LARGE1: variants seen among roughly 807,000 people sequenced by gnomAD.
LARGE1 encodes the protein LARGE xylosyl- and glucuronyltransferase 1.
Under a neutral mutation model 87.6 loss-of-function variants are expected in LARGE1, and 43 were observed. That is an observed-to-expected ratio of 0.49 (90% CI 0.38 to 0.63). The LOEUF is 0.63. Ranked by LOEUF, LARGE1 falls within the 30% of genes least tolerant of loss-of-function variation. The pLI, the probability that LARGE1 is intolerant of heterozygous loss-of-function variation, is 0.00. For synonymous variants in LARGE1, 434 were observed against 394.6 expected (o/e 1.10, Z -1.18); for missense variants, 802 against 1,000.2 (o/e 0.80, Z 2.67).
chr22:33,686,690 G>C (rs985408428), intron 2 of LARGE1, among the ~76,000 whole-genome samples: 2 of 152,154 alleles, frequency 1.3e-5, no homozygotes, highest in African/African-American at 4.8e-5. Context: ...TTGGTCTTGG[G>C]GACTATGGCG....
intron 6 of LARGE1, among the ~76,000 whole-genome samples, chr22:33,445,970 A>G (rs2067672829): frequency 6.6e-6 from 1 of 152,126 alleles, no homozygotes; most frequent in African/African-American, 2.4e-5. Flanking sequence ...CACTCTTACT[A>G]GGCCCCTAGA....
intron 2 of LARGE1, among the ~76,000 whole-genome samples, chr22:33,706,495 C>T (rs970627553): frequency 1.3e-5 from 2 of 152,178 alleles, no homozygotes; most frequent in African/African-American, 4.8e-5. Context: ...AGTCCCAACT[C>T]GGCCCATAAC....
Position 33,604,431 on chromosome 22 carries a change from A to G in LARGE1, c.615+4T>C. The G allele has an allele frequency of 1.2e-6, 2 of 1,614,006 alleles. No individual in the cohort carries two copies. Among genetic ancestry groups the G allele is most frequent in the Admixed American group, 1.7e-5 (1 of 60,010 alleles). On this transcript the variant is annotated splice_donor_region_variant and intron_variant, in intron 5 of 14. Coordinates refer to ENST00000397394, the MANE Select transcript of LARGE1 (RefSeq NM_133642.5). Reference sequence around the variant, plus strand: ...CACGGAAGTGCCTCCCCTCCTGCCCATACCTTGAGCTCGTCTGCATTGTAG... The same window carrying G: ...CACGGAAGTGCCTCCCCTCCTGCCCGTACCTTGAGCTCGTCTGCATTGTAG...
intron 6 of LARGE1, among the ~76,000 whole-genome samples, chr22:33,472,319 A>G (rs1033039820): frequency 6.6e-6 from 1 of 152,210 alleles, no homozygotes; most frequent in Non-Finnish European, 1.5e-5. Context: ...TGAAGGAGAC[A>G]AAGAGAGAGA....
At chr22:33,921,489 A>G (rs1372689134), upstream of LARGE1, among the ~76,000 whole-genome samples, 1 of 151,340 alleles carries the variant, frequency 6.6e-6, no homozygotes, top group Admixed American at 6.6e-5. The surrounding 1 kb of genome is among the most constrained non-coding windows in gnomAD (Gnocchi z 4.1). Context: ...AGAAGTAGGA[A>G]GTTTCCCCGC....
At chr22:33,276,146 C>A (rs1358873799) in intron 14 of LARGE1, among the ~76,000 whole-genome samples, 1 of 151,058 alleles carries the variant, frequency 6.6e-6, no homozygotes. Context: ...ATTGGAGGTG[C>A]TCTTGTTGAA....
At chr22:33,686,902 T>C (rs1390487931) in intron 2 of LARGE1, among the ~76,000 whole-genome samples, 1 of 152,242 alleles carries the variant, frequency 6.6e-6, no homozygotes, top group East Asian at 1.9e-4. Flanking sequence ...TTCTATTTTA[T>C]CTGGCAACCC....
At chr22:33,465,127 G>C (rs1396428318) in intron 6 of LARGE1, among the ~76,000 whole-genome samples, 1 of 152,222 alleles carries the variant, frequency 6.6e-6, no homozygotes, top group Non-Finnish European at 1.5e-5. Context: ...TCAGTGAAAT[G>C]AATGAACTCA....
intron 1 of LARGE1, among the ~76,000 whole-genome samples, chr22:33,822,865 T>C (rs2062680282): frequency 6.6e-6 from 1 of 152,166 alleles, no homozygotes; most frequent in Admixed American, 6.5e-5. Flanking sequence ...TGTAACTTGC[T>C]TTGGCCAATG....
At chr22:33,103,140 G>A in the LARGE1 span, among the ~76,000 whole-genome samples, 1 of 151,898 alleles carries the variant, frequency 6.6e-6, no homozygotes, top group African/African-American at 2.4e-5. Flanking sequence ...ACTTTAAAAA[G>A]GGAGATCATT....
chr22:33,743,759 T>C (rs1236552622), intron 2 of LARGE1, among the ~76,000 whole-genome samples: 1 of 152,246 alleles, frequency 6.6e-6, no homozygotes, highest in Non-Finnish European at 1.5e-5. Flanking sequence ...AAGGGAGTCC[T>C]CGACTTGTCA....
chr22:33,352,582 C>A (rs1055653683), intron 9 of LARGE1, among the ~76,000 whole-genome samples: 1 of 151,460 alleles, frequency 6.6e-6, no homozygotes, highest in Non-Finnish European at 1.5e-5. Flanking sequence ...GGTGAAACCC[C>A]ATCTCTACTT....
In LARGE1 at chr22:33,747,013, A is replaced by G. The variant is rs190331309; in HGVS notation, c.106+14358T>C. ...GGCAGGATTCTGGGCTGTCTTGTTC[A>G]TTAAGTGCCCCGGGGTGGACTGGAA... On this transcript the variant is annotated intron_variant, in intron 2 of 14. Transcript: ENST00000397394. 1.2e-4 allele frequency among the ~76,000 whole-genome samples: 18 copies of G among 152,300 alleles called. No individual in the cohort carries two copies. In the East Asian group the frequency reaches 3.5e-3, roughly 29 times the overall value.
chr22:33,917,959 G>C (rs957148559), intron 1 of LARGE1, among the ~76,000 whole-genome samples: 14 of 152,042 alleles, frequency 9.2e-5, no homozygotes, highest in South Asian at 8.3e-4. Context: ...TTCTTCGATG[G>C]TGGAAAAGAT....
At chr22:33,869,077 A>C (rs1023041389) in intron 1 of LARGE1, among the ~76,000 whole-genome samples, 6 of 152,126 alleles carry the variant, frequency 3.9e-5, no homozygotes, top group Non-Finnish European at 7.4e-5. Flanking sequence ...CTTTCATTTG[A>C]AATCCAACTT....
intron 9 of LARGE1, among the ~76,000 whole-genome samples, chr22:33,370,917 A>T (rs2064784652): frequency 6.7e-6 from 1 of 149,902 alleles, no homozygotes; most frequent in South Asian, 2.1e-4. Context: ...AATAGTATTC[A>T]TATAACATAA....
chr22:33,736,994 T>C (rs1423902988), intron 2 of LARGE1, among the ~76,000 whole-genome samples: 2 of 152,180 alleles, frequency 1.3e-5, no homozygotes, highest in Admixed American at 6.5e-5. Flanking sequence ...CCACAAAAGA[T>C]GTACAGGTCA....
the LARGE1 span, among the ~76,000 whole-genome samples, chr22:33,106,894 A>G: frequency 1.3e-5 from 2 of 152,232 alleles, no homozygotes; most frequent in Non-Finnish European, 2.9e-5. Flanking sequence ...AGAGGTCAGT[A>G]AGAAATGATT....
chr22:33,620,566 T>C (rs957718308), intron 4 of LARGE1, among the ~76,000 whole-genome samples: 2 of 152,186 alleles, frequency 1.3e-5, no homozygotes, highest in African/African-American at 4.8e-5. Context: ...CATCCATCTT[T>C]CTTCTTCACC....
Sources: gnomAD v4.1 joint callset for allele counts (sites outside exome capture counted in the v4.1 genomes callset) on GRCh38, gnomAD v4.1.1 for gene constraint, Gnocchi (gnomAD v3.1) non-coding constraint, MANE v1.5 for transcripts, NCBI Gene and HGNC (gene_info 2026-07-23, HGNC 2026-07-21) for gene names.